COX16: variants seen among roughly 807,000 people sequenced by gnomAD.
COX16 encodes cytochrome c oxidase assembly protein COX16 homolog, mitochondrial.
Under a neutral mutation model 15.4 loss-of-function variants are expected in COX16, and 12 were observed. That is an observed-to-expected ratio of 0.78 (90% CI 0.50 to 1.26). The LOEUF is 1.26. Among genes scored for constraint, COX16 ranks in the 50% most tolerant of loss-of-function variants. The probability of loss-of-function intolerance (pLI) is 0.00; values close to 1 mark genes in which losing one functional copy is unlikely to be tolerated. For missense variants in COX16, 124 were observed against 127.6 expected (o/e 0.97, Z 0.14); for synonymous variants, 46 against 41.1 (o/e 1.12, Z -0.46).
intron 2 of COX16, among the ~76,000 whole-genome samples, chr14:70,341,626 G>A (rs1886626045): frequency 6.6e-6 from 1 of 152,046 alleles, no homozygotes; most frequent in Non-Finnish European, 1.5e-5. Flanking sequence ...TTTTTCTTCA[G>A]TTTTTTCAAG....
intron 3 of COX16, among the ~76,000 whole-genome samples, chr14:70,327,172 A>C (rs1218099559): frequency 2.0e-5 from 3 of 152,208 alleles, no homozygotes; most frequent in African/African-American, 7.2e-5. Context: ...AAAGCTGTGA[A>C]AACATAGGAT....
At chr14:70,330,017 A>G (rs887436258) in intron 2 of COX16, among the ~76,000 whole-genome samples, 3 of 152,150 alleles carry the variant, frequency 2.0e-5, no homozygotes, top group Non-Finnish European at 2.9e-5. Flanking sequence ...TAGAAAATAA[A>G]GGGGAGGGAG....
intron 1 of COX16, among the ~76,000 whole-genome samples, chr14:70,350,308 A>G (rs1886911248): frequency 6.6e-6 from 1 of 152,196 alleles, no homozygotes; most frequent in African/African-American, 2.4e-5. Context: ...AGACTAGGAC[A>G]CTTCCTGTTT....
intron 2 of COX16, among the ~76,000 whole-genome samples, 154 bp from the exon 3 acceptor site, chr14:70,329,390 C>A (rs532117648): frequency 2.4e-3 from 358 of 152,046 alleles, no homozygotes; most frequent in African/African-American, 8.1e-3. Flanking sequence ...ATAATGATAA[C>A]TAATGTACTA....
At chr14:70,330,069 T>C in intron 2 of COX16, among the ~76,000 whole-genome samples, 1 of 152,020 alleles carries the variant, frequency 6.6e-6, no homozygotes, top group Admixed American at 6.6e-5. Context: ...CACCACTACA[T>C]AGCAATGAGT....
At position 70,342,656 on chromosome 14, in the gene COX16, A is replaced by T. The variant is rs761001202; in HGVS notation, c.141+2T>A. The T allele has an allele frequency of 3.7e-6, 6 of 1,609,900 alleles. No homozygotes were observed. Among genetic ancestry groups the T allele is most frequent in the South Asian group, 1.1e-5 (1 of 89,338 alleles). On this transcript the variant is annotated splice_donor_variant, in intron 2 of 3. Coordinates refer to ENST00000389912, the MANE Select transcript of COX16 (RefSeq NM_016468.7). LOFTEE classifies it high-confidence loss of function. ...ATGTCAAACTCTAATTATATTTCTT[A>T]CTTTACTCTTCACAGCATCATATCG...
At chr14:70,337,849 A>G (rs1886502015) in intron 2 of COX16, among the ~76,000 whole-genome samples, 1 of 152,188 alleles carries the variant, frequency 6.6e-6, no homozygotes, top group Admixed American at 6.5e-5. Context: ...GATTGAACAC[A>G]GCAAAAAAGA....
chr14:70,351,671 T>C (rs61977535), intron 1 of COX16, among the ~76,000 whole-genome samples: 11,380 of 152,286 alleles, frequency 0.075, 490 homozygotes, highest in Middle Eastern at 0.12. Flanking sequence ...GTATATTGTA[T>C]GCAGCTATAG....
chr14:70,342,992 C>T (rs1036448778), intron 1 of COX16, among the ~76,000 whole-genome samples: 1 of 152,130 alleles, frequency 6.6e-6, no homozygotes, highest in Non-Finnish European at 1.5e-5. Context: ...GACATCATAA[C>T]AAGCATTGTA....
chr14:70,336,270 C>CAAAAA, intron 2 of COX16, among the ~76,000 whole-genome samples: 1 of 44,762 alleles, frequency 2.2e-5, no homozygotes, highest in South Asian at 9.3e-4. Flanking sequence ...AAACAAAAAA[C>CAAAAA]AAAAACAAAA....
intron 2 of COX16, among the ~76,000 whole-genome samples, chr14:70,334,379 C>T (rs746609865): frequency 4.1e-4 from 62 of 152,082 alleles, no homozygotes; most frequent in South Asian, 8.3e-4. Flanking sequence ...AAAAATTCAT[C>T]GGTTGTGGTG....
intron 1 of COX16, among the ~76,000 whole-genome samples, chr14:70,346,134 C>T (rs1409362208): frequency 6.6e-6 from 1 of 152,148 alleles, no homozygotes; most frequent in East Asian, 1.9e-4. Flanking sequence ...ACCCTCAGAA[C>T]GAACCATTAT....
intron 1 of COX16, among the ~76,000 whole-genome samples, chr14:70,348,382 G>A (rs923292452): frequency 6.6e-6 from 1 of 152,132 alleles, no homozygotes. Flanking sequence ...ACCCTGCCAT[G>A]CTCTTTCCTG....
At chr14:70,342,532 A>G in intron 2 of COX16, 126 bp downstream of exon 2, 1 of 823,966 alleles carries the variant, frequency 1.2e-6, no homozygotes, top group Non-Finnish European at 1.8e-6. Flanking sequence ...GAAAAAAACA[A>G]AGATCACATC....
At chr14:70,330,857 A>G (rs1340019051) in intron 2 of COX16, among the ~76,000 whole-genome samples, 3 of 152,190 alleles carry the variant, frequency 2.0e-5, no homozygotes, top group Non-Finnish European at 4.4e-5. Context: ...CATACAAAAA[A>G]AGAAAAAAAT....
chr14:70,342,630 CAT>C, intron 2 of COX16, 26 bp downstream of exon 2: 1 of 1,603,652 alleles, frequency 6.2e-7, no homozygotes, highest in Non-Finnish European at 8.5e-7. Flanking sequence ...TAGACAGACA[CAT>C]GTCAAACTCT....
At chr14:70,333,372 CAG>C in intron 2 of COX16, among the ~76,000 whole-genome samples, 2 of 152,198 alleles carry the variant, frequency 1.3e-5, no homozygotes, top group South Asian at 4.1e-4. Flanking sequence ...AGAAATTGAA[CAG>C]AGAGGTTGAA....
chr14:70,338,422 A>G (rs1205152759), intron 2 of COX16, among the ~76,000 whole-genome samples: 1 of 152,048 alleles, frequency 6.6e-6, no homozygotes, highest in East Asian at 1.9e-4. Context: ...CCCAGAAGAT[A>G]ATTTGAAAGT....
At chr14:70,337,161 C>A (rs1381250913) in intron 2 of COX16, among the ~76,000 whole-genome samples, 1 of 152,154 alleles carries the variant, frequency 6.6e-6, no homozygotes, top group African/African-American at 2.4e-5. Flanking sequence ...TTTTGAAATT[C>A]TAGAACTGCA....
Sources: allele counts gnomAD v4.1 joint callset (sites outside exome capture counted in the v4.1 genomes callset), GRCh38; gene constraint gnomAD v4.1.1; transcripts MANE v1.5; gene names NCBI Gene and HGNC (gene_info 2026-07-23, HGNC 2026-07-21).